Variants in PCDH7 observed in about 807,000 individuals in gnomAD.
The protein encoded by PCDH7 is protocadherin-7.
PCDH7 carries 17 observed loss-of-function variants against 58.9 expected under a neutral mutation model. The observed-to-expected ratio is 0.29, with a 90% CI of 0.20 to 0.43. The LOEUF is 0.43. Among genes scored for constraint, PCDH7 ranks in the 20% least tolerant of loss-of-function variants. The probability of loss-of-function intolerance (pLI) is 1.00; values close to 1 mark genes in which losing one functional copy is unlikely to be tolerated. For synonymous variants in PCDH7, 664 were observed against 616.4 expected (o/e 1.08, Z -1.14); for missense variants, 1,274 against 1,441.0 (o/e 0.88, Z 1.88).
chr4:30,926,422 G>A (rs1183770793), intron 2 of PCDH7, among the ~76,000 whole-genome samples: 1 of 152,042 alleles, frequency 6.6e-6, no homozygotes, highest in Admixed American at 6.6e-5. Context: ...CTGACTTCGT[G>A]ATCTGCCTGC....
chr4:31,021,797 T>G (rs1344434361), intron 3 of PCDH7, among the ~76,000 whole-genome samples: 1 of 152,062 alleles, frequency 6.6e-6, no homozygotes, highest in Non-Finnish European at 1.5e-5. Context: ...AATCTAGAGA[T>G]GTGGAAGGGG....
At chr4:30,760,686 A>G (rs545117654) in intron 1 of PCDH7, among the ~76,000 whole-genome samples, 3 of 152,146 alleles carry the variant, frequency 2.0e-5, no homozygotes, top group Non-Finnish European at 4.4e-5. Flanking sequence ...CTGCTCAAGG[A>G]AACCAAATAT....
chr4:30,949,138 T>G (rs1747061383), intron 2 of PCDH7, among the ~76,000 whole-genome samples: 2 of 152,246 alleles, frequency 1.3e-5, no homozygotes, highest in Admixed American at 6.5e-5. Context: ...CACAGGAAAA[T>G]TAATTCTCTC....
chr4:31,144,087 A>G (rs1720521680), downstream of PCDH7: 1 of 152,182 alleles, frequency 6.6e-6, no homozygotes, highest in African/African-American at 2.4e-5. Flanking sequence ...TGCTCTTTTT[A>G]TCCACATTTT....
chr4:30,721,758 C>A lies in PCDH7; in HGVS notation c.336C>A (p.Phe112Leu), dbSNP rs747765465. The A allele has an allele frequency of 2.1e-5, 34 of 1,613,732 alleles. No individual in the cohort carries two copies. Among genetic ancestry groups the A allele is most frequent in the Middle Eastern group, 3.3e-4 (2 of 6,084 alleles). ...ACGAGAACGAGTGCTTCCTGGACTT[C>A]GAGGTGTCGGTGATCGGGCCCTCGC... The change falls in exon 1 of 2, where the codon TTC becomes TTA. Residue 112 changes from phenylalanine to leucine, a missense_variant. Physicochemically the swap from Phe to Leu is conservative, Grantham distance 22. Around this residue, in one of 3 missense-constraint regions of PCDH7, gnomAD observed 212 missense variants for 255.8 expected, o/e 0.83. Coordinates refer to ENST00000361762, the Ensembl canonical transcript of PCDH7. The surrounding 1 kb of genome is among the most constrained non-coding windows in gnomAD (Gnocchi z 6.7).
chr4:30,945,185 T>C (rs980100051), intron 2 of PCDH7, among the ~76,000 whole-genome samples: 1 of 152,070 alleles, frequency 6.6e-6, no homozygotes, highest in Non-Finnish European at 1.5e-5. Flanking sequence ...ATTTTATGTA[T>C]TTACTCTAGA....
At chr4:31,142,509 A>C in exon 4 of PCDH7, 3 of 1,367,724 alleles carry the variant, frequency 2.2e-6, no homozygotes, top group Non-Finnish European at 2.9e-6. Context: ...CTGACTGGGA[A>C]GTGCACTCGT....
chr4:31,022,834 A>G (rs968912189), intron 3 of PCDH7, among the ~76,000 whole-genome samples: 13 of 152,216 alleles, frequency 8.5e-5, no homozygotes, highest in African/African-American at 3.1e-4. Flanking sequence ...GGTAGAAATT[A>G]TGACTAAGTG....
At chr4:31,142,982 C>CCTCCAGAT (rs201149433), downstream of PCDH7, 6,228 of 544,946 alleles carry the variant, frequency 0.011, 65 homozygotes, top group Middle Eastern at 0.025. Context: ...GCCACTTCTG[C>CCTCCAGAT]CTCCAGATCA....
intron 3 of PCDH7, among the ~76,000 whole-genome samples, chr4:31,023,119 T>G (rs929882660): frequency 1.3e-5 from 2 of 152,166 alleles, no homozygotes; most frequent in Non-Finnish European, 2.9e-5. Context: ...CTTCTGAATT[T>G]AAGGAGATAG....
intron 3 of PCDH7, among the ~76,000 whole-genome samples, chr4:30,962,690 G>A (rs2109461637): frequency 6.8e-6 from 1 of 147,238 alleles, no homozygotes; most frequent in African/African-American, 2.5e-5. Context: ...GCTGAGGCAG[G>A]AAGATCACTT....
chr4:31,051,780 T>A (rs1756749657), intron 3 of PCDH7, among the ~76,000 whole-genome samples: 1 of 149,756 alleles, frequency 6.7e-6, no homozygotes, highest in Non-Finnish European at 1.5e-5. Flanking sequence ...ACACATTGTC[T>A]TAAGTAGGAG....
intron 2 of PCDH7, among the ~76,000 whole-genome samples, chr4:30,933,025 CT>C (rs1390125559): frequency 1.1e-5 from 1 of 93,898 alleles, no homozygotes; most frequent in African/African-American, 4.9e-5. Flanking sequence ...TTCTTTCTTT[CT>C]TTCTTTCTTT....
At chr4:30,937,394 A>G (rs1447869085) in intron 2 of PCDH7, among the ~76,000 whole-genome samples, 1 of 152,042 alleles carries the variant, frequency 6.6e-6, no homozygotes, top group Non-Finnish European at 1.5e-5. Flanking sequence ...ATTAGAAAAT[A>G]TCTTAGCTAT....
At chr4:30,800,764 G>A (rs1287973302) in intron 1 of PCDH7, among the ~76,000 whole-genome samples, 1 of 152,224 alleles carries the variant, frequency 6.6e-6, no homozygotes, top group African/African-American at 2.4e-5. Flanking sequence ...TTAGACAAAA[G>A]GCACATCATC....
At chr4:30,984,558 G>C (rs571299668) in intron 3 of PCDH7, among the ~76,000 whole-genome samples, 1 of 152,104 alleles carries the variant, frequency 6.6e-6, no homozygotes, top group Non-Finnish European at 1.5e-5. Flanking sequence ...TTCTGTGATC[G>C]TTACTGTAAG....
At chr4:30,858,299 T>C (rs1037656609) in intron 1 of PCDH7, among the ~76,000 whole-genome samples, 6 of 152,206 alleles carry the variant, frequency 3.9e-5, no homozygotes, top group Admixed American at 3.9e-4. Flanking sequence ...TCTTTTGTTC[T>C]CATTTGTGTT....
intron 3 of PCDH7, among the ~76,000 whole-genome samples, chr4:31,128,085 G>A (rs966858214): frequency 2.2e-4 from 33 of 146,806 alleles, no homozygotes; most frequent in East Asian, 6.5e-4. Flanking sequence ...GTATATATAT[G>A]CATATATATG....
At chr4:31,029,190 A>G (rs1418564275) in intron 3 of PCDH7, among the ~76,000 whole-genome samples, 5 of 152,244 alleles carry the variant, frequency 3.3e-5, no homozygotes, top group Non-Finnish European at 5.9e-5. Context: ...TAAAACAGCT[A>G]TAGAACATTA....
Sources: gnomAD v4.1 joint callset for allele counts (sites outside exome capture counted in the v4.1 genomes callset) on GRCh38, gnomAD v4.1.1 for gene constraint, gnomAD v4.1.1 regional missense constraint, Gnocchi (gnomAD v3.1) non-coding constraint, MANE v1.5 for transcripts, NCBI Gene and HGNC (gene_info 2026-07-23, HGNC 2026-07-21) for gene names.